Variants in SNX29 observed in about 807,000 individuals in gnomAD.
SNX29 encodes sorting nexin 29, also known as sorting nexin-29.
Under a neutral mutation model 102.1 loss-of-function variants are expected in SNX29, and 78 were observed. The ratio of observed to expected loss-of-function variants is 0.76; its 90% CI spans 0.64 to 0.92. SNX29 has a LOEUF of 0.92. Among genes scored for constraint, SNX29 ranks in the 40% least tolerant of loss-of-function variants. SNX29 has a pLI of 0.00. For synonymous variants in SNX29, 580 were observed against 414.5 expected (o/e 1.40, Z -4.85); for missense variants, 1,280 against 1,061.7 (o/e 1.21, Z -2.86).
intron 6 of SNX29, among the ~76,000 whole-genome samples, chr16:12,046,921 A>G (rs1176294753): frequency 6.6e-6 from 1 of 152,162 alleles, no homozygotes; most frequent in Non-Finnish European, 1.5e-5. Flanking sequence ...GCCCGACCAC[A>G]GTGTTGGGTC....
intron 13 of SNX29, among the ~76,000 whole-genome samples, chr16:12,190,599 G>T (rs1192835830): frequency 6.6e-6 from 1 of 152,166 alleles, no homozygotes; most frequent in African/African-American, 2.4e-5. Context: ...GAGAGTTGCA[G>T]ACAGAGAATC....
intron 14 of SNX29, among the ~76,000 whole-genome samples, chr16:12,221,369 C>T (rs957965037): frequency 6.6e-6 from 1 of 152,190 alleles, no homozygotes; most frequent in Non-Finnish European, 1.5e-5. Flanking sequence ...AATCCCAGCA[C>T]TTCGGGAGGC....
At chr16:12,444,299 TCAG>T (rs2085950443) in intron 18 of SNX29, among the ~76,000 whole-genome samples, 1 of 151,732 alleles carries the variant, frequency 6.6e-6, no homozygotes, top group Non-Finnish European at 1.5e-5. Context: ...TAGTAAGCAC[TCAG>T]TATAGCACCT....
intron 19 of SNX29, among the ~76,000 whole-genome samples, chr16:12,519,962 C>CT (rs1263506025): frequency 1.3e-5 from 2 of 151,492 alleles, no homozygotes; most frequent in African/African-American, 4.9e-5. Flanking sequence ...CCAGCCTGGG[C>CT]GACAGAGCGA....
intron 19 of SNX29, among the ~76,000 whole-genome samples, chr16:12,497,843 A>G (rs2088908139): frequency 1.3e-5 from 2 of 152,170 alleles, no homozygotes; most frequent in South Asian, 4.1e-4. Context: ...TCTGTGGCCT[A>G]GCTTGAGTCT....
At chr16:12,298,121 G>T (rs1161848231) in intron 15 of SNX29, among the ~76,000 whole-genome samples, 1 of 152,218 alleles carries the variant, frequency 6.6e-6, no homozygotes, top group African/African-American at 2.4e-5. Flanking sequence ...AGTGAGCTGT[G>T]ATTGTGCCAC....
intron 13 of SNX29, among the ~76,000 whole-genome samples, chr16:12,158,315 T>C (rs1233056468): frequency 6.6e-6 from 1 of 152,182 alleles, no homozygotes. Flanking sequence ...TTCTCCTGCC[T>C]CAGCCTGCCG....
rs562097050 is a variant in SNX29, at chr16:12,570,032, G to A, written c.*1403G>A. On this transcript the variant is annotated 3_prime_UTR_variant, in exon 21 of 21. Transcript: ENST00000566228. ...TGAGAACTGCCCAGGTGAGCATGGA[G>A]CATCTCCTAGGCTCGAGGACATCTC... 2.9e-5 allele frequency: 11 copies of A among 379,120 alleles called. No individual in the cohort carries two copies. In the South Asian group the frequency reaches 3.5e-4, roughly 12 times the overall value. The allele number at this position is 379,120 out of a possible 1,614,324, so 23.5% of individuals were successfully genotyped here.
At chr16:12,001,745 C>T (rs962625163) in intron 2 of SNX29, among the ~76,000 whole-genome samples, 3 of 152,082 alleles carry the variant, frequency 2.0e-5, no homozygotes, top group Non-Finnish European at 2.9e-5. Context: ...AGGCCAGGCA[C>T]GGTGGCTCAC....
intron 13 of SNX29, among the ~76,000 whole-genome samples, chr16:12,168,737 A>G (rs941803182): frequency 6.6e-6 from 1 of 152,162 alleles, no homozygotes; most frequent in African/African-American, 2.4e-5. Context: ...TCTTAACAAT[A>G]ACGTATTGAG....
chr16:12,077,427 G>GTGTA (rs1555455672), intron 10 of SNX29, among the ~76,000 whole-genome samples: 11 of 145,704 alleles, frequency 7.5e-5, no homozygotes, highest in African/African-American at 2.0e-4. Flanking sequence ...GTGTGTGTGT[G>GTGTA]TATCTCTGTT....
chr16:12,551,464 C>G (rs1029942242), intron 20 of SNX29, among the ~76,000 whole-genome samples: 1 of 152,208 alleles, frequency 6.6e-6, no homozygotes, highest in African/African-American at 2.4e-5. Context: ...AATACAGAGG[C>G]CAGGCCCTGC....
intron 16 of SNX29, among the ~76,000 whole-genome samples, chr16:12,383,119 T>A (rs1238130896): frequency 6.6e-6 from 1 of 152,186 alleles, no homozygotes; most frequent in Non-Finnish European, 1.5e-5. Flanking sequence ...AATATAAGCC[T>A]TTAGACATTA....
chr16:12,010,423 AC>A (rs1413570343), intron 3 of SNX29, among the ~76,000 whole-genome samples: 6 of 152,176 alleles, frequency 3.9e-5, no homozygotes, highest in East Asian at 3.9e-4. Context: ...GGAGTTCGAG[AC>A]CAGCCTGGCC....
chr16:12,534,278 C>G (rs8057138), intron 20 of SNX29, among the ~76,000 whole-genome samples: 1 of 152,232 alleles, frequency 6.6e-6, no homozygotes, highest in Non-Finnish European at 1.5e-5. Context: ...GCACACCTGC[C>G]GTCTTTCTCC....
rs2079238779 is a variant in SNX29 at position 12,573,934 on chromosome 16, GTC to G, written c.*5307_*5308del. On this transcript the variant is annotated 3_prime_UTR_variant, in exon 21 of 21. Coordinates refer to ENST00000566228, the MANE Select transcript of SNX29 (RefSeq NM_032167.5). ...TGACACCGACTTCTTAGAGAAGCGA[GTC>G]TTTTTTGAATGGAGGAGCGATGGTA... 1 of 200,892 alleles carries G rather than the reference GTC, an allele frequency of 5.0e-6. No individual in the cohort carries two copies. Among genetic ancestry groups the G allele is most frequent in the African/African-American group, 2.3e-5 (1 of 43,568 alleles). The allele number at this position is 200,892 out of a possible 1,614,324, so 12.4% of individuals were successfully genotyped here. A position where few individuals can be genotyped will look rare whatever the true frequency, so the allele number is the denominator to read the frequency against.
At chr16:12,566,394 A>C (rs1016106174) in intron 20 of SNX29, among the ~76,000 whole-genome samples, 2 of 143,072 alleles carry the variant, frequency 1.4e-5, no homozygotes, top group Non-Finnish European at 3.0e-5. Flanking sequence ...GGCCTCTCCC[A>C]GGCACTCTCA....
intron 3 of SNX29, among the ~76,000 whole-genome samples, chr16:12,021,557 T>G (rs866889062): frequency 5.6e-4 from 85 of 152,176 alleles, no homozygotes; most frequent in African/African-American, 2.0e-3. Flanking sequence ...TTCTTAGGAA[T>G]CTTTTAATAG....
intron 1 of SNX29, among the ~76,000 whole-genome samples, chr16:11,997,482 T>G (rs1043350900): frequency 5.5e-5 from 8 of 145,798 alleles, no homozygotes; most frequent in Non-Finnish European, 1.1e-4. Flanking sequence ...CATTTATACT[T>G]TTTTTTTTTT....
Sources: gnomAD v4.1 joint callset for allele counts (sites outside exome capture counted in the v4.1 genomes callset) on GRCh38, gnomAD v4.1.1 for gene constraint, MANE v1.5 for transcripts, NCBI Gene and HGNC (gene_info 2026-07-23, HGNC 2026-07-21) for gene names.